Variants in GPR39 observed in about 807,000 individuals in gnomAD.
The protein encoded by GPR39 is G protein-coupled receptor 39.
Under a neutral mutation model 18.4 loss-of-function variants are expected in GPR39, and 23 were observed. That is an observed-to-expected ratio of 1.25 (90% CI 0.90 to 1.77). The LOEUF (loss-of-function observed/expected upper bound fraction) is 1.77, where lower values mean the gene tolerates loss of function less well. GPR39 is among the 40% of genes most tolerant of loss of function. The pLI is 0.00. For missense variants in GPR39, 647 were observed against 602.4 expected, an observed-to-expected ratio of 1.07 and a Z score of -0.78; for synonymous variants, 280 against 257.9, an observed-to-expected ratio of 1.09 and a Z score of -0.82.
intron 1 of GPR39, among the ~76,000 whole-genome samples, chr2:132,644,402 A>G (rs1317297868): frequency 6.6e-6 from 1 of 152,240 alleles, no homozygotes; most frequent in Admixed American, 6.5e-5. Context: ...TATATTTGCC[A>G]TCTCTGAATA....
chr2:132,418,124 G>T (rs1014208926), intron 1 of GPR39, among the ~76,000 whole-genome samples: 1 of 152,186 alleles, frequency 6.6e-6, no homozygotes, highest in African/African-American at 2.4e-5. Flanking sequence ...AAAAGAGCAC[G>T]AGACCAGAAC....
intron 1 of GPR39, among the ~76,000 whole-genome samples, chr2:132,542,030 G>A (rs112930576): frequency 4.1e-4 from 62 of 152,168 alleles, no homozygotes; most frequent in African/African-American, 1.4e-3. Context: ...TTCTATAAGG[G>A]CACTAATCCC....
chr2:132,531,604 G>A (rs1200669275), intron 1 of GPR39, among the ~76,000 whole-genome samples: 6 of 152,198 alleles, frequency 3.9e-5, no homozygotes, highest in Non-Finnish European at 5.9e-5. Flanking sequence ...TGGAAGTAAA[G>A]CTCTCCTCAG....
intron 1 of GPR39, among the ~76,000 whole-genome samples, chr2:132,493,811 A>G (rs950916944): frequency 6.6e-6 from 1 of 152,018 alleles, no homozygotes; most frequent in Non-Finnish European, 1.5e-5. Flanking sequence ...AGCTAGATAC[A>G]GACATGAGAG....
At chr2:132,478,051 G>C (rs906418282) in intron 1 of GPR39, among the ~76,000 whole-genome samples, 2 of 152,156 alleles carry the variant, frequency 1.3e-5, no homozygotes, top group African/African-American at 4.8e-5. Context: ...TTGAGACACT[G>C]TCCCACACAT....
At chr2:132,491,677 GA>G (rs1162241920) in intron 1 of GPR39, among the ~76,000 whole-genome samples, 1 of 151,866 alleles carries the variant, frequency 6.6e-6, no homozygotes, top group Non-Finnish European at 1.5e-5. Context: ...GTTAGGAATG[GA>G]GATTGGTTCG....
intron 1 of GPR39, among the ~76,000 whole-genome samples, chr2:132,601,614 G>GA (rs1247748902): frequency 6.6e-6 from 1 of 151,894 alleles, no homozygotes; most frequent in Non-Finnish European, 1.5e-5. Flanking sequence ...CATATACACT[G>GA]AAAAAAAGGC....
intron 1 of GPR39, among the ~76,000 whole-genome samples, chr2:132,625,185 T>A (rs185740182): frequency 6.6e-6 from 1 of 151,986 alleles, no homozygotes; most frequent in African/African-American, 2.4e-5. Context: ...TTCTGTTGAG[T>A]ACATGGCGAC....
Position 132,502,704 on chromosome 2 carries a change from A to G in GPR39, c.856+84806A>G, listed in dbSNP as rs556996858. The stretch of plus-strand genomic sequence containing the variant: ...TTTCTCTTCTTCTTTGGGAACACCA[A>G]TTATTCTTAGGTTTGGACATTTAAC... On this transcript the variant is annotated intron_variant, in intron 1 of 1. Coordinates refer to ENST00000329321, the MANE Select transcript of GPR39 (RefSeq NM_001508.3). Among the ~76,000 whole-genome samples, 6 of 152,282 alleles carry G rather than the reference A, an allele frequency of 3.9e-5. No homozygotes were observed. The East Asian group carries it at 1.2e-3, about 29-fold the overall frequency.
At chr2:132,444,163 A>T (rs1173267764) in intron 1 of GPR39, among the ~76,000 whole-genome samples, 7 of 152,208 alleles carry the variant, frequency 4.6e-5, no homozygotes, top group Non-Finnish European at 1.0e-4. Flanking sequence ...TTGTAACTTT[A>T]AAATATTTAT....
chr2:132,478,059 C>T (rs1681161801), intron 1 of GPR39, among the ~76,000 whole-genome samples: 1 of 152,204 alleles, frequency 6.6e-6, no homozygotes, highest in Non-Finnish European at 1.5e-5. Flanking sequence ...CTGTCCCACA[C>T]ATAATCACCA....
chr2:132,446,606 T>C (rs1219418352), intron 1 of GPR39, among the ~76,000 whole-genome samples: 2 of 152,146 alleles, frequency 1.3e-5, no homozygotes, highest in African/African-American at 2.4e-5. Context: ...GCCTGTGTCT[T>C]GGAAAGCTTC....
intron 1 of GPR39, among the ~76,000 whole-genome samples, chr2:132,509,359 C>A (rs1033378868): frequency 7.3e-5 from 11 of 151,546 alleles, no homozygotes; most frequent in African/African-American, 2.4e-4. Context: ...TATTCTATAA[C>A]CCAAGGATAA....
At chr2:132,447,257 T>A (rs1218696910) in intron 1 of GPR39, among the ~76,000 whole-genome samples, 1 of 152,186 alleles carries the variant, frequency 6.6e-6, no homozygotes, top group East Asian at 1.9e-4. Context: ...AAAGACAAAG[T>A]CTGTCTCCAG....
chr2:132,526,647 A>G (rs914839726), intron 1 of GPR39, among the ~76,000 whole-genome samples: 1 of 152,172 alleles, frequency 6.6e-6, no homozygotes, highest in Non-Finnish European at 1.5e-5. Flanking sequence ...CACACTGCCC[A>G]TCCCCCGGAG....
At chr2:132,533,101 C>A (rs3109160) in intron 1 of GPR39, among the ~76,000 whole-genome samples, 4 of 152,046 alleles carry the variant, frequency 2.6e-5, no homozygotes, top group African/African-American at 9.7e-5. Context: ...AAAACCCCAT[C>A]GTCTCAGCCC....
intron 1 of GPR39, among the ~76,000 whole-genome samples, chr2:132,450,139 A>G (rs1016730483): frequency 6.6e-6 from 1 of 152,228 alleles, no homozygotes; most frequent in African/African-American, 2.4e-5. Context: ...AGGTCAAGGA[A>G]GACCTGACGT....
At chr2:132,469,097 A>G (rs10190144) in intron 1 of GPR39, among the ~76,000 whole-genome samples, 69,074 of 152,048 alleles carry the variant, frequency 0.45, 16,759 homozygotes, top group Non-Finnish European at 0.54. Flanking sequence ...CTGAGACTGT[A>G]GGTGGCAATT....
chr2:132,607,399 A>G (rs1033894174), intron 1 of GPR39, among the ~76,000 whole-genome samples: 1 of 152,198 alleles, frequency 6.6e-6, no homozygotes, highest in Non-Finnish European at 1.5e-5. Flanking sequence ...TATGAAATCC[A>G]GAGTTAGAGG....
Sources: allele counts gnomAD v4.1 joint callset (sites outside exome capture counted in the v4.1 genomes callset), GRCh38; gene constraint gnomAD v4.1.1; transcripts MANE v1.5; gene names NCBI Gene and HGNC (gene_info 2026-07-23, HGNC 2026-07-21).